The following ALK variants were observed in gnomAD, a reference collection of about 807,000 sequenced individuals.
ALK encodes ALK receptor tyrosine kinase.
A neutral mutation model predicts 163.1 loss-of-function variants in ALK; 74 were observed. The ratio of observed to expected loss-of-function variants is 0.45; its 90% CI spans 0.38 to 0.55. The LOEUF (loss-of-function observed/expected upper bound fraction) is 0.55, where lower values mean the gene tolerates loss of function less well. ALK is among the 20% of genes least tolerant of loss of function. The pLI, the probability that ALK is intolerant of heterozygous loss-of-function variation, is 0.00. For missense variants in ALK, 2,063 were observed against 2,105.3 expected, an observed-to-expected ratio of 0.98 and a Z score of 0.39; for synonymous variants, 960 against 843.2, an observed-to-expected ratio of 1.14 and a Z score of -2.40.
At chr2:29,412,685 C>T (rs2148323094) in intron 4 of ALK, among the ~76,000 whole-genome samples, 1 of 152,274 alleles carries the variant, frequency 6.6e-6, no homozygotes, top group East Asian at 1.9e-4. Context: ...ACTCACCACT[C>T]ACTTTCATAT....
intron 23 of ALK, among the ~76,000 whole-genome samples, chr2:29,217,324 GTGT>G (rs909871936): frequency 6.5e-5 from 9 of 139,414 alleles, no homozygotes; most frequent in Admixed American, 1.5e-4. Flanking sequence ...CATGTGGTGT[GTGT>G]TTTTTGTGTG....
At chr2:29,429,337 T>C (rs978332517) in intron 4 of ALK, among the ~76,000 whole-genome samples, 31 of 152,010 alleles carry the variant, frequency 2.0e-4, no homozygotes, top group Non-Finnish European at 4.0e-4. Context: ...GCAAATGACA[T>C]AACCTTGTGT....
intron 1 of ALK, among the ~76,000 whole-genome samples, chr2:29,909,051 G>A (rs978037693): frequency 3.9e-5 from 6 of 152,012 alleles, no homozygotes; most frequent in South Asian, 2.1e-4. Flanking sequence ...TCTTTGGTGC[G>A]CACCTCCCAT....
At chr2:29,770,913 TCACA>T (rs1194468920) in intron 1 of ALK, among the ~76,000 whole-genome samples, 2 of 149,114 alleles carry the variant, frequency 1.3e-5, no homozygotes, top group East Asian at 3.9e-4. Flanking sequence ...TCACACACAG[TCACA>T]CACACGCAGT....
intron 11 of ALK, among the ~76,000 whole-genome samples, chr2:29,266,459 T>C (rs114619411): frequency 3.3e-5 from 5 of 152,330 alleles, no homozygotes; most frequent in African/African-American, 9.6e-5. Context: ...GGTGAGTGAA[T>C]TGGCCCATCT....
chr2:29,317,701 G>A (rs530599681), intron 8 of ALK, among the ~76,000 whole-genome samples: 4 of 152,212 alleles, frequency 2.6e-5, no homozygotes, highest in African/African-American at 7.2e-5. Flanking sequence ...CTTGGACTCA[G>A]AAATTTGATT....
In ALK at chr2:29,229,078, G is replaced by C; in HGVS notation, c.2633-12C>G. On this transcript the variant is annotated splice_polypyrimidine_tract_variant and intron_variant, in intron 15 of 28. Transcript: ENST00000389048. ...GCCACCTCCACCACCTGCGGGAAGA[G>C]ATAGGGAACCTGCGTGAGGATGCTG... The C allele has an allele frequency of 1.9e-6, 3 of 1,613,568 alleles. No homozygotes were observed. The highest frequency in any genetic ancestry group is 2.5e-6 in the Non-Finnish European group (3 of 1,179,618).
intron 1 of ALK, among the ~76,000 whole-genome samples, chr2:29,886,684 T>A (rs1248655108): frequency 6.6e-6 from 1 of 152,228 alleles, no homozygotes; most frequent in African/African-American, 2.4e-5. Context: ...CAGACCTATA[T>A]TTAACTTCCA....
intron 5 of ALK, among the ~76,000 whole-genome samples, chr2:29,341,186 CT>C (rs1231571532): frequency 1.3e-5 from 2 of 152,348 alleles, no homozygotes; most frequent in African/African-American, 4.8e-5. Context: ...ACTCCTGTGG[CT>C]ATGTGTGTAC....
chr2:29,857,989 A>G (rs1274137583), intron 1 of ALK, among the ~76,000 whole-genome samples: 2 of 152,232 alleles, frequency 1.3e-5, no homozygotes, highest in African/African-American at 4.8e-5. Context: ...GGATACTGAC[A>G]TTGATACAAT....
intron 4 of ALK, among the ~76,000 whole-genome samples, chr2:29,470,806 G>A (rs895913149): frequency 3.9e-5 from 6 of 151,942 alleles, no homozygotes; most frequent in African/African-American, 1.5e-4. Context: ...AAAGAGCAAT[G>A]GCAAGGGAAA....
chr2:29,363,562 G>A (rs1486558789), intron 5 of ALK, among the ~76,000 whole-genome samples: 2 of 152,188 alleles, frequency 1.3e-5, no homozygotes, highest in Non-Finnish European at 2.9e-5. Context: ...GGATCTGTAG[G>A]CCAGGACTGT....
intron 2 of ALK, among the ~76,000 whole-genome samples, chr2:29,710,038 C>T (rs1679028082): frequency 1.3e-5 from 2 of 152,174 alleles, no homozygotes; most frequent in South Asian, 4.2e-4. Context: ...GGACCCTGTG[C>T]AAGGTAATTG....
chr2:29,531,819 T>G (rs76238642), intron 4 of ALK, 96 bp downstream of exon 4: 39 of 1,254,804 alleles, frequency 3.1e-5, no homozygotes, highest in Non-Finnish European at 4.5e-5. Context: ...AGGACAATCA[T>G]GAGTTTGTAA....
Position 29,328,409 on chromosome 2 carries a change from C to T in ALK, c.1355G>A (p.Gly452Glu), listed in dbSNP as rs2148258315. 1 of 1,614,194 alleles carries T rather than the reference C, an allele frequency of 6.2e-7. No homozygotes were observed. Among genetic ancestry groups the T allele is most frequent in the Non-Finnish European group, 8.5e-7 (1 of 1,180,030 alleles). ...TCWNGTVLQL[G>E]QACDFHQDCA... Reference sequence around the variant, plus strand: ...GTCCTGGTGGAAGTCACAGGCCTGCCCAAGCTGGAGGACTGTCCCATTCCA... The same window carrying T: ...GTCCTGGTGGAAGTCACAGGCCTGCTCAAGCTGGAGGACTGTCCCATTCCA... Residue 452 changes from glycine to glutamate, a missense_variant, in exon 6 of 29, where the codon GGG becomes GAG. Transcript: ENST00000389048.
rs530171284 is a variant in ALK, at chr2:29,696,305, G to A, written c.788-1291C>T. ...AGGAACAGAAAACCAAATACGGCAT[G>A]TTCTCACTCATAAGTGGGAGTTGAA... On this transcript the variant is annotated intron_variant, in intron 2 of 28. Coordinates refer to ENST00000389048, the MANE Select transcript of ALK (RefSeq NM_004304.5). Among the ~76,000 whole-genome samples, 12 of 152,168 alleles carry A rather than the reference G, an allele frequency of 7.9e-5. No homozygotes were observed. The South Asian group carries it at 2.3e-3, about 29-fold the overall frequency.
At chr2:29,906,113 T>C (rs1167062754) in intron 1 of ALK, among the ~76,000 whole-genome samples, 4 of 150,042 alleles carry the variant, frequency 2.7e-5, no homozygotes, top group African/African-American at 7.3e-5. Flanking sequence ...GGGGCCATGC[T>C]TTAAGAGGAG....
rs544169090 is a variant in ALK at position 29,442,533 on chromosome 2, A to C, written c.1155-58674T>G. 5.3e-5 allele frequency among the ~76,000 whole-genome samples: 8 copies of C among 152,206 alleles called. No homozygotes were observed. In the East Asian group the frequency reaches 1.6e-3, roughly 30 times the overall value. ...CTGCCACAATGACCTGGCGATCTTC[A>C]ATATTCTCCCTTGAGTCTTGGGTAC... On this transcript the variant is annotated intron_variant, in intron 4 of 28. Transcript: ENST00000389048.
chr2:29,547,441 C>T (rs1002387462), intron 3 of ALK, among the ~76,000 whole-genome samples: 2 of 152,064 alleles, frequency 1.3e-5, no homozygotes, highest in African/African-American at 4.8e-5. Context: ...TACTAAAATA[C>T]AAAAGATTAG....
Sources: allele counts gnomAD v4.1 joint callset (sites outside exome capture counted in the v4.1 genomes callset), GRCh38; gene constraint gnomAD v4.1.1; transcripts MANE v1.5; gene names NCBI Gene and HGNC (gene_info 2026-07-23, HGNC 2026-07-21).